Variants in EXO1 observed in about 807,000 individuals in gnomAD.
EXO1 encodes exonuclease 1.
In EXO1, 69 loss-of-function variants were observed where a neutral mutation model predicts 84.5. The observed-to-expected ratio is 0.82, with a 90% CI of 0.67 to 1.00. EXO1 has a LOEUF of 1.00. Ranked by LOEUF, EXO1 falls within the 50% of genes least tolerant of loss-of-function variation. The probability of loss-of-function intolerance (pLI) is 0.00; values close to 1 mark genes in which losing one functional copy is unlikely to be tolerated. For synonymous variants in EXO1, 373 were observed against 366.1 expected (o/e 1.02, Z -0.21); for missense variants, 1,045 against 1,000.7 (o/e 1.04, Z -0.60).
chr1:241,883,437 T>C (rs1396913521), intron 14 of EXO1, among the ~76,000 whole-genome samples: 2 of 152,208 alleles, frequency 1.3e-5, no homozygotes, highest in African/African-American at 4.8e-5. Flanking sequence ...ATATCTCTTT[T>C]GTACCTCTTC....
At chr1:241,858,427 T>C in intron 7 of EXO1, 79 bp from the exon 8 acceptor site, 2 of 865,864 alleles carry the variant, frequency 2.3e-6, no homozygotes, top group Admixed American at 3.6e-5. Flanking sequence ...CAAGAAAGAT[T>C]TCTTAAAATT....
At chr1:241,883,398 G>T (rs3886571) in intron 14 of EXO1, among the ~76,000 whole-genome samples, 44,426 of 151,982 alleles carry the variant, frequency 0.29, 6,930 homozygotes, top group Middle Eastern at 0.35. Context: ...ATGCCTTCTC[G>T]CTGTGTCCTT....
rs1236162840 is a variant in EXO1 at position 241,858,555 on chromosome 1, C to T, written c.593C>T (p.Ala198Val). The change falls in exon 8 of 16, where the codon GCT becomes GTT. Residue 198 changes from alanine (A) to valine (V), a missense_variant. Physicochemically the swap from Ala to Val is moderately conservative, Grantham distance 64. Coordinates refer to ENST00000366548, the MANE Select transcript of EXO1 (RefSeq NM_130398.4). Reference protein sequence around the residue: ...QFGNGLEIDQARLGMCRQLGD... With the variant: ...QFGNGLEIDQVRLGMCRQLGD... ...GGAAATGGACTTGAAATTGATCAAG[C>T]TCGGCTAGGAATGTGCAGACAGCTT... The T allele has an allele frequency of 6.2e-7, 1 of 1,613,970 alleles. No homozygotes were observed. Among genetic ancestry groups the T allele is most frequent in the Non-Finnish European group, 8.5e-7 (1 of 1,179,992 alleles).
intron 10 of EXO1, 53 bp from the exon 11 acceptor site, chr1:241,866,777 A>G: frequency 7.7e-7 from 1 of 1,306,914 alleles, no homozygotes; most frequent in Non-Finnish European, 1.1e-6. Context: ...ACAGAAGGAA[A>G]TAAATTGATT....
At chr1:241,866,227 C>T (rs927845070) in intron 10 of EXO1, among the ~76,000 whole-genome samples, 1 of 152,196 alleles carries the variant, frequency 6.6e-6, no homozygotes, top group African/African-American at 2.4e-5. Context: ...GATTCTCCTG[C>T]CTCAACCTCC....
chr1:241,850,996 G>T (rs565198873), intron 4 of EXO1, among the ~76,000 whole-genome samples: 239 of 151,836 alleles, frequency 1.6e-3, no homozygotes, highest in Non-Finnish European at 2.7e-3. Context: ...CACCATACCC[G>T]GCTAATTTTT....
At chr1:241,886,106 G>A (rs563749199) in intron 15 of EXO1, among the ~76,000 whole-genome samples, 4 of 152,118 alleles carry the variant, frequency 2.6e-5, no homozygotes, top group Non-Finnish European at 5.9e-5. Flanking sequence ...ACCCGCCACG[G>A]CCTCCCAAGT....
intron 4 of EXO1, 93 bp from the exon 5 acceptor site, chr1:241,852,199 C>A: frequency 8.9e-7 from 1 of 1,122,638 alleles, no homozygotes; most frequent in Non-Finnish European, 1.3e-6. Flanking sequence ...AAAAAACCTT[C>A]TCTTTCCATA....
At chr1:241,872,320 T>C (rs1280644795) in intron 12 of EXO1, 42 bp downstream of exon 12, 2 of 1,596,334 alleles carry the variant, frequency 1.3e-6, no homozygotes, top group South Asian at 1.1e-5. Context: ...TGTTGTATTA[T>C]GTACTCTGTT....
At chr1:241,856,428 A>C (rs1191534199) in intron 6 of EXO1, among the ~76,000 whole-genome samples, 5 of 151,936 alleles carry the variant, frequency 3.3e-5, no homozygotes, top group Non-Finnish European at 7.4e-5. Flanking sequence ...TTTTCTCATA[A>C]TGCATTGGTT....
chr1:241,860,440 G>A (rs775001971), intron 8 of EXO1, 77 bp from the exon 9 acceptor site: 7 of 1,159,044 alleles, frequency 6.0e-6, no homozygotes, highest in African/African-American at 1.5e-5. Context: ...CTTTATGAAT[G>A]TAAATCAATC....
chr1:241,856,146 T>A (rs909090650), intron 6 of EXO1, among the ~76,000 whole-genome samples: 3 of 151,880 alleles, frequency 2.0e-5, no homozygotes, highest in African/African-American at 7.3e-5. Flanking sequence ...CTCAAAAGGA[T>A]GAGAGTAGGA....
chr1:241,886,707 A>G (rs1284800202), intron 15 of EXO1, among the ~76,000 whole-genome samples: 1 of 152,236 alleles, frequency 6.6e-6, no homozygotes, highest in Non-Finnish European at 1.5e-5. Flanking sequence ...ACCATCATAG[A>G]AATTGAAATA....
intron 12 of EXO1, among the ~76,000 whole-genome samples, chr1:241,878,495 C>CAAAA (rs34265528): frequency 2.3e-5 from 3 of 129,916 alleles, no homozygotes; most frequent in African/African-American, 5.6e-5. Flanking sequence ...GACTCTGTCT[C>CAAAA]AAAAAAAAAA....
chr1:241,861,459 A>G lies in EXO1; in HGVS notation c.998A>G (p.Asn333Ser). ...LQIALGNKDI[N>S]TFEQIDDYNP... ...ATAGCACTTGGAAATAAAGATATAA[A>G]TACTTTTGAACAGATCGATGACTAC... is the stretch of plus-strand genomic sequence containing the variant. Residue 333 changes from asparagine to serine, a missense_variant, in exon 10 of 16, where the codon AAT becomes AGT. Physicochemically the swap from Asn to Ser is conservative, Grantham distance 46 (BLOSUM62 1). Coordinates refer to ENST00000366548, the MANE Select transcript of EXO1 (RefSeq NM_130398.4). 6.3e-7 allele frequency: 1 copy of G among 1,595,234 alleles called. No individual in the cohort carries two copies. Among genetic ancestry groups the G allele is most frequent in the East Asian group, 2.2e-5 (1 of 44,806 alleles).
chr1:241,855,125 T>C (rs2526701), intron 6 of EXO1, among the ~76,000 whole-genome samples: 94,146 of 151,988 alleles, frequency 0.62, 29,653 homozygotes, highest in East Asian at 0.8. Context: ...GGGACCTAAG[T>C]GGGTTGCCAC....
intron 6 of EXO1, among the ~76,000 whole-genome samples, chr1:241,855,464 C>T (rs111816490): frequency 0.08 from 12,174 of 152,228 alleles, 729 homozygotes; most frequent in Admixed American, 0.19. Flanking sequence ...AATCCCTGAG[C>T]TAGACGTAAA....
rs748421983 is a variant in EXO1 at position 241,860,551 on chromosome 1, A to G, written c.791A>G (p.Asn264Ser). 2.5e-6 allele frequency: 4 copies of G among 1,613,940 alleles called. No individual in the cohort carries two copies. Among genetic ancestry groups the G allele is most frequent in the East Asian group, 2.2e-5 (1 of 44,878 alleles). ...IKKIGHYLKM[N>S]ITVPEDYING... ...AAAATTGGACATTATCTCAAGATGA[A>G]TATCACGGTACCAGAGGATTACATC... Residue 264 changes from asparagine (N) to serine (S), a missense_variant, in exon 9 of 16, where the codon AAT becomes AGT. Asn to Ser is a conservative substitution (Grantham distance 46). Transcript: ENST00000366548.
intron 12 of EXO1, among the ~76,000 whole-genome samples, chr1:241,874,839 A>G (rs757902025): frequency 3.5e-4 from 53 of 152,180 alleles, no homozygotes; most frequent in Non-Finnish European, 6.6e-4. Context: ...AACTCGTATT[A>G]TGTTGACTTT....
Sources: allele counts gnomAD v4.1 joint callset (sites outside exome capture counted in the v4.1 genomes callset), GRCh38; gene constraint gnomAD v4.1.1; transcripts MANE v1.5; gene names NCBI Gene and HGNC (gene_info 2026-07-23, HGNC 2026-07-21).